Variants in TMEM132B observed in about 807,000 individuals in gnomAD.
TMEM132B encodes the protein transmembrane protein 132B.
TMEM132B carries 18 observed loss-of-function variants against 90.8 expected under a neutral mutation model. The observed-to-expected ratio is 0.20, with a 90% CI of 0.14 to 0.29. TMEM132B has a LOEUF of 0.29. Among genes scored for constraint, TMEM132B ranks in the 10% least tolerant of loss-of-function variants. The probability of loss-of-function intolerance (pLI) is 1.00; values close to 1 mark genes in which losing one functional copy is unlikely to be tolerated. For synonymous variants in TMEM132B, 504 were observed against 523.3 expected, an observed-to-expected ratio of 0.96 and a Z score of 0.50; for missense variants, 1,096 against 1,326.8, an observed-to-expected ratio of 0.83 and a Z score of 2.70.
rs147327901 is a variant in TMEM132B, at chr12:125,368,055, T to C, written c.959+17712T>C. Among the ~76,000 whole-genome samples the C allele has an allele frequency of 2.9e-3, 443 of 152,328 alleles. 3 individuals are homozygous for C. Among genetic ancestry groups the C allele is most frequent in the African/African-American group, 0.01 (424 of 41,578 alleles). ...ATCATAGTATATATCTTTAAATTTATCATCATCTAATTAGAGTTGACATGT... is the reference window on the plus strand; with the variant it reads ...ATCATAGTATATATCTTTAAATTTACCATCATCTAATTAGAGTTGACATGT... On this transcript the variant is annotated intron_variant, in intron 2 of 8. Transcript: ENST00000682704.
At position 125,628,963 on chromosome 12, in the gene TMEM132B, G is replaced by T. The variant is rs551989313; in HGVS notation, c.1438-15113G>T. Among the ~76,000 whole-genome samples, 12 of 152,178 alleles carry T rather than the reference G, an allele frequency of 7.9e-5. No individual in the cohort carries two copies. The South Asian group carries it at 2.1e-3, about 26-fold the overall frequency. On this transcript the variant is annotated intron_variant, in intron 5 of 8. Coordinates refer to ENST00000682704, the MANE Select transcript of TMEM132B (RefSeq NM_001366854.1). ...TGTTGGAAGTGAGTTCACTGTAGGTGTGTGGATTTGTTTCTGGGTCCTCTA... is the reference window on the plus strand; with the variant it reads ...TGTTGGAAGTGAGTTCACTGTAGGTTTGTGGATTTGTTTCTGGGTCCTCTA...
chr12:125,406,457 G>A lies in TMEM132B; in HGVS notation c.960-9074G>A, dbSNP rs1346202098. Among the ~76,000 whole-genome samples the A allele has an allele frequency of 1.3e-5, 2 of 152,190 alleles. No homozygotes were observed. Among genetic ancestry groups the A allele is most frequent in the Admixed American group, 1.3e-4 (2 of 15,284 alleles). ...ACTGTGAAATGGGTACCGGGGAAAGGTGAGCCACAGTCTCAGTCTGTGGCC... is the reference window on the plus strand; with the variant it reads ...ACTGTGAAATGGGTACCGGGGAAAGATGAGCCACAGTCTCAGTCTGTGGCC... On this transcript the variant is annotated intron_variant, in intron 2 of 8. Coordinates refer to ENST00000682704, the MANE Select transcript of TMEM132B (RefSeq NM_001366854.1). This position sits in a 1 kb window ranked among gnomAD's most constrained non-coding sequence, Gnocchi z 8.3.
intron 7 of TMEM132B, among the ~76,000 whole-genome samples, chr12:125,651,155 C>T (rs1379357883): frequency 6.6e-6 from 1 of 152,200 alleles, no homozygotes; most frequent in Non-Finnish European, 1.5e-5. Context: ...ATAACCTAAA[C>T]TCAGATTAAT....
At chr12:125,304,370 T>C (rs534944856) in intron 1 of TMEM132B, among the ~76,000 whole-genome samples, 3 of 152,296 alleles carry the variant, frequency 2.0e-5, no homozygotes, top group Admixed American at 1.3e-4. Context: ...TTTTAAGAAG[T>C]CCAATTTATT....
chr12:125,579,345 A>G lies in TMEM132B; in HGVS notation c.1294-4506A>G, dbSNP rs553769017. Among the ~76,000 whole-genome samples the G allele has an allele frequency of 3.3e-5, 5 of 150,572 alleles. No individual in the cohort carries two copies. The South Asian group carries it at 8.4e-4, about 25-fold the overall frequency. On this transcript the variant is annotated intron_variant, in intron 4 of 8. Coordinates refer to ENST00000682704, the MANE Select transcript of TMEM132B (RefSeq NM_001366854.1). ...CTATTGATATTCTCTCTTTGGTGAGACAGCTTTCTCATACTTGCTTTTTTT... is the reference window on the plus strand; with the variant it reads ...CTATTGATATTCTCTCTTTGGTGAGGCAGCTTTCTCATACTTGCTTTTTTT...
chr12:125,423,745 T>G (rs1012548265), intron 3 of TMEM132B, among the ~76,000 whole-genome samples: 1 of 152,232 alleles, frequency 6.6e-6, no homozygotes, highest in Non-Finnish European at 1.5e-5. Flanking sequence ...TAACTGTTAA[T>G]ATTTTGAGTA....
intron 1 of TMEM132B, among the ~76,000 whole-genome samples, chr12:125,187,970 A>C (rs187111447): frequency 5.4e-4 from 83 of 152,304 alleles, no homozygotes; most frequent in African/African-American, 1.8e-3. Context: ...TCGCACAGAC[A>C]GGCAGAATGC....
intron 3 of TMEM132B, among the ~76,000 whole-genome samples, chr12:125,501,428 A>T (rs1390975023): frequency 6.6e-6 from 1 of 152,190 alleles, no homozygotes. Context: ...GGTTTGTTAC[A>T]TAGGTAAACA....
At chr12:125,443,705 T>C (rs1880934314) in intron 3 of TMEM132B, among the ~76,000 whole-genome samples, 1 of 152,176 alleles carries the variant, frequency 6.6e-6, no homozygotes, top group African/African-American at 2.4e-5. Flanking sequence ...GGAAAGCAGA[T>C]TTATAGCTAT....
At position 125,654,849 on chromosome 12, in the gene TMEM132B, A is replaced by C. The variant is rs1181803876; in HGVS notation, c.*139A>C. On this transcript the variant is annotated 3_prime_UTR_variant, in exon 9 of 9. Transcript: ENST00000682704. This position sits in a 1 kb window ranked among gnomAD's most constrained non-coding sequence, Gnocchi z 5.8. The stretch of plus-strand genomic sequence containing the variant: ...GGTGGGATTCATTTCTAAGCAGGTA[A>C]AAGAGGTTTGGAGAGCTATAGAAGC... 7.4e-6 allele frequency: 8 copies of C among 1,073,978 alleles called. No homozygotes were observed. The highest frequency in any genetic ancestry group is 1.7e-5 in the South Asian group (1 of 59,478). 66.5% of individuals were successfully genotyped at this position (1,073,978 alleles called of 1,614,324 possible).
At chr12:125,268,069 G>C (rs1874738682) in intron 1 of TMEM132B, among the ~76,000 whole-genome samples, 2 of 152,162 alleles carry the variant, frequency 1.3e-5, no homozygotes, top group Admixed American at 1.3e-4. Flanking sequence ...AACTTAGCAA[G>C]ACTCCATCTC....
chr12:125,638,059 C>T lies in TMEM132B; in HGVS notation c.1438-6017C>T, dbSNP rs35411081. On this transcript the variant is annotated intron_variant, in intron 5 of 8. Coordinates refer to ENST00000682704, the MANE Select transcript of TMEM132B (RefSeq NM_001366854.1). The stretch of plus-strand genomic sequence containing the variant: ...GTGTGTATTTAGGTCTTGCCTTTCC[C>T]AATCGGCCTGTGGTCCTCTGGAGGA... Among the ~76,000 whole-genome samples the T allele has an allele frequency of 8.9e-4, 136 of 152,246 alleles. 1 individual carries two copies. Among genetic ancestry groups the T allele is most frequent in the Non-Finnish European group, 1.2e-3 (80 of 68,014 alleles).
chr12:125,266,516 G>A (rs1874700265), intron 1 of TMEM132B, among the ~76,000 whole-genome samples: 1 of 152,164 alleles, frequency 6.6e-6, no homozygotes, highest in Non-Finnish European at 1.5e-5. Flanking sequence ...GAAACACACA[G>A]AATGGCATGG....
chr12:125,552,951 T>C (rs1884272705), intron 4 of TMEM132B, among the ~76,000 whole-genome samples: 1 of 152,236 alleles, frequency 6.6e-6, no homozygotes, highest in South Asian at 2.1e-4. Context: ...AGCCTAAGCA[T>C]GTCTAAACAC....
At chr12:125,521,074 C>G (rs1270485579) in intron 4 of TMEM132B, among the ~76,000 whole-genome samples, 1 of 152,194 alleles carries the variant, frequency 6.6e-6, no homozygotes, top group Admixed American at 6.5e-5. Context: ...TATAAATTCT[C>G]CAGCTCAGCT....
intron 1 of TMEM132B, among the ~76,000 whole-genome samples, chr12:125,276,736 C>T (rs1212266979): frequency 2.6e-5 from 4 of 152,144 alleles, no homozygotes; most frequent in South Asian, 2.1e-4. Context: ...AGTCAAATGG[C>T]GGAAGCGCTG....
chr12:125,318,754 C>T (rs1759064875), intron 1 of TMEM132B, among the ~76,000 whole-genome samples: 1 of 152,058 alleles, frequency 6.6e-6, no homozygotes, highest in African/African-American at 2.4e-5. Flanking sequence ...TTTCTTTATC[C>T]AGTCTACCAT....
intron 1 of TMEM132B, among the ~76,000 whole-genome samples, chr12:125,293,066 C>T (rs1166279647): frequency 1.3e-5 from 2 of 152,160 alleles, no homozygotes; most frequent in African/African-American, 4.8e-5. Flanking sequence ...AGCTGGGGAG[C>T]TCAGTGCTAT....
chr12:125,241,885 A>C (rs1401677930), intron 1 of TMEM132B, among the ~76,000 whole-genome samples: 1 of 152,140 alleles, frequency 6.6e-6, no homozygotes, highest in Non-Finnish European at 1.5e-5. Flanking sequence ...TCTGTGGTCC[A>C]CCTGTTCAAG....
Sources: gnomAD v4.1 joint callset for allele counts (sites outside exome capture counted in the v4.1 genomes callset) on GRCh38, gnomAD v4.1.1 for gene constraint, Gnocchi (gnomAD v3.1) non-coding constraint, MANE v1.5 for transcripts, NCBI Gene and HGNC (gene_info 2026-07-23, HGNC 2026-07-21) for gene names.